Variants in TEX9 observed in about 807,000 individuals in gnomAD.
The protein encoded by TEX9 is testis expressed 9, also known as testis-expressed protein 9.
In TEX9, 74 loss-of-function variants were observed where a neutral mutation model predicts 59.6. The observed-to-expected ratio is 1.24, with a 90% CI of 1.03 to 1.51. The LOEUF is 1.51. Ranked by LOEUF, TEX9 falls within the 40% of genes most tolerant of loss-of-function variation. The pLI is 0.00. For synonymous variants in TEX9, 186 were observed against 152.2 expected, an observed-to-expected ratio of 1.22 and a Z score of -1.64; for missense variants, 522 against 447.8, an observed-to-expected ratio of 1.17 and a Z score of -1.49.
intron 1 of TEX9, among the ~76,000 whole-genome samples, chr15:56,293,315 C>T (rs557382347): frequency 1.1e-4 from 16 of 152,092 alleles, no homozygotes; most frequent in East Asian, 3.9e-4. Context: ...CCAGCATGGG[C>T]GACAGAGTGA....
chr15:56,443,685 C>T, intron 12 of TEX9: 4 of 1,613,356 alleles, frequency 2.5e-6, no homozygotes, highest in Non-Finnish European at 3.4e-6. Flanking sequence ...TGAACTTTTG[C>T]CATCCGATCT....
intron 10 of TEX9, among the ~76,000 whole-genome samples, chr15:56,416,901 G>A (rs1189415874): frequency 6.6e-6 from 1 of 151,748 alleles, no homozygotes; most frequent in African/African-American, 2.4e-5. Context: ...ATTGGTCTGT[G>A]TAGGGATTCA....
At chr15:56,372,512 T>G (rs971176503) in intron 2 of TEX9, among the ~76,000 whole-genome samples, 4 of 152,240 alleles carry the variant, frequency 2.6e-5, no homozygotes, top group African/African-American at 9.6e-5. Flanking sequence ...ATATTTATTA[T>G]GGTGTTAACC....
At chr15:56,336,467 C>T (rs899668558) in intron 1 of TEX9, among the ~76,000 whole-genome samples, 6 of 152,130 alleles carry the variant, frequency 3.9e-5, no homozygotes, top group Admixed American at 3.3e-4. Flanking sequence ...TGGTAATCTG[C>T]AATCCGGAAG....
intron 10 of TEX9, among the ~76,000 whole-genome samples, chr15:56,413,272 ATAAT>A (rs1405207161): frequency 2.7e-4 from 9 of 33,264 alleles, no homozygotes; most frequent in Admixed American, 2.0e-3. Context: ...AAATAATTTA[ATAAT>A]TAAATAATTT....
intron 1 of TEX9, among the ~76,000 whole-genome samples, chr15:56,255,244 A>C (rs1350408955): frequency 6.6e-6 from 1 of 152,154 alleles, no homozygotes; most frequent in Non-Finnish European, 1.5e-5. Context: ...AAGACTTTAC[A>C]AAAGCAGGGG....
intron 1 of TEX9, among the ~76,000 whole-genome samples, chr15:56,274,326 A>G (rs2044619452): frequency 1.3e-5 from 2 of 152,170 alleles, no homozygotes; most frequent in South Asian, 4.2e-4. Context: ...AATTTCTTAT[A>G]ATTTCCATTT....
chr15:56,348,199 A>T (rs2046509204), intron 1 of TEX9, among the ~76,000 whole-genome samples: 1 of 152,090 alleles, frequency 6.6e-6, no homozygotes, highest in Non-Finnish European at 1.5e-5. Context: ...AATTATCTTA[A>T]AATTTTAAGT....
chr15:56,279,594 A>C (rs2044765014), intron 1 of TEX9, among the ~76,000 whole-genome samples: 1 of 152,214 alleles, frequency 6.6e-6, no homozygotes, highest in African/African-American at 2.4e-5. Context: ...GAAATCTAAA[A>C]GTTAACACCT....
At chr15:56,264,464 ATG>A in intron 1 of TEX9, among the ~76,000 whole-genome samples, 1 of 152,264 alleles carries the variant, frequency 6.6e-6, no homozygotes, top group East Asian at 1.9e-4. Flanking sequence ...AGAATGTTCT[ATG>A]TATTGGAATA....
chr15:56,386,725 A>T (rs963123408), intron 4 of TEX9, among the ~76,000 whole-genome samples: 1 of 152,008 alleles, frequency 6.6e-6, no homozygotes, highest in Non-Finnish European at 1.5e-5. Context: ...AAGATTAGAC[A>T]TGATGTTTAT....
At position 56,427,868 on chromosome 15, in the gene TEX9, A is replaced by G. The variant is rs1226186003; in HGVS notation, c.1098+129A>G. ...GAACTTCATATAAAATGCATCATACATATGAAATCATATGAAATCTAACAT... is the reference window on the plus strand; with the variant it reads ...GAACTTCATATAAAATGCATCATACGTATGAAATCATATGAAATCTAACAT... On this transcript the variant is annotated intron_variant, in intron 11 of 12. Transcript: ENST00000352903. 9.8e-6 allele frequency: 6 copies of G among 615,098 alleles called. No individual in the cohort carries two copies. In the Admixed American group the frequency reaches 1.3e-4, roughly 13 times the overall value. The allele number at this position is 615,098 out of a possible 1,614,324, so 38.1% of individuals were successfully genotyped here.
At chr15:56,307,058 T>A (rs1400042384) in intron 1 of TEX9, among the ~76,000 whole-genome samples, 2 of 152,220 alleles carry the variant, frequency 1.3e-5, no homozygotes, top group Non-Finnish European at 2.9e-5. Context: ...AGTAACATAA[T>A]TATTTATCTA....
chr15:56,266,732 G>T (rs2044393934), intron 1 of TEX9, among the ~76,000 whole-genome samples: 2 of 152,154 alleles, frequency 1.3e-5, no homozygotes, highest in South Asian at 4.1e-4. Flanking sequence ...ATCATTGATG[G>T]ACATTTGGGT....
intron 6 of TEX9, among the ~76,000 whole-genome samples, chr15:56,389,823 CTATAA>C (rs1280022839): frequency 3.3e-5 from 5 of 151,612 alleles, no homozygotes; most frequent in Admixed American, 2.6e-4. Context: ...CTAAATAGGA[CTATAA>C]TATAATTATA....
intron 3 of TEX9, among the ~76,000 whole-genome samples, chr15:56,381,270 C>T (rs1379371165): frequency 2.0e-5 from 3 of 152,072 alleles, no homozygotes; most frequent in South Asian, 2.1e-4. Context: ...TCAATCTGTT[C>T]GTTAAATTTA....
downstream of TEX9, chr15:56,446,045 G>T (rs1342636675): frequency 1.3e-5 from 2 of 151,848 alleles, no homozygotes. Context: ...TTGTACACAC[G>T]CAACACACAC....
At position 56,313,544 on chromosome 15, in the gene TEX9, G is replaced by A. The variant is rs1246269526; in HGVS notation, c.-106-59897G>A. Among the ~76,000 whole-genome samples the A allele has an allele frequency of 4.1e-4, 57 of 138,110 alleles. 1 individual carries two copies. Among genetic ancestry groups the A allele is most frequent in the African/African-American group, 1.5e-3 (56 of 38,492 alleles). 90.6% of individuals were successfully genotyped at this position (138,110 alleles called of 152,430 possible). A position where few individuals can be genotyped will look rare whatever the true frequency, so the allele number is the denominator to read the frequency against. On this transcript the variant is annotated intron_variant, in intron 1 of 5. Transcript: ENST00000560827. ...AGCTTTTTGATGTGCTGCTGGATTC[G>A]TTTTGCCAGTATTTTATTGAGGATT...
intron 1 of TEX9, among the ~76,000 whole-genome samples, chr15:56,335,069 C>T (rs1464950413): frequency 6.6e-6 from 1 of 152,106 alleles, no homozygotes; most frequent in Non-Finnish European, 1.5e-5. Flanking sequence ...TGTATTAGTA[C>T]AACCACTATG....
Sources: allele counts gnomAD v4.1 joint callset (sites outside exome capture counted in the v4.1 genomes callset), GRCh38; gene constraint gnomAD v4.1.1; transcripts MANE v1.5; gene names NCBI Gene and HGNC (gene_info 2026-07-23, HGNC 2026-07-21).